The following INSR variants were observed in gnomAD, a reference collection of about 807,000 sequenced individuals.
INSR encodes insulin receptor, also known as IR.
INSR carries 67 observed loss-of-function variants against 142.6 expected under a neutral mutation model. The observed-to-expected ratio is 0.47, with a 90% CI of 0.39 to 0.58. INSR has a LOEUF of 0.58. INSR is among the 20% of genes least tolerant of loss of function. The pLI is 0.00. For missense variants in INSR, 1,248 were observed against 1,833.2 expected (o/e 0.68, Z 5.83); for synonymous variants, 756 against 743.1 (o/e 1.02, Z -0.28).
At chr19:7,233,507 G>C (rs977980032) in intron 2 of INSR, among the ~76,000 whole-genome samples, 2 of 151,886 alleles carry the variant, frequency 1.3e-5, no homozygotes, top group Admixed American at 6.6e-5. Context: ...CCCTGACCCC[G>C]AGTGCTGGGA....
At chr19:7,237,440 C>A (rs528830492) in intron 2 of INSR, among the ~76,000 whole-genome samples, 1 of 151,964 alleles carries the variant, frequency 6.6e-6, no homozygotes, top group South Asian at 2.1e-4. Context: ...TCGCTTGAAC[C>A]GGGGAGGTGG....
intron 14 of INSR, among the ~76,000 whole-genome samples, chr19:7,129,468 G>A (rs974717895): frequency 6.6e-6 from 1 of 152,028 alleles, no homozygotes; most frequent in African/African-American, 2.4e-5. Context: ...GGGACTACAG[G>A]CATGCACCAC....
intron 2 of INSR, among the ~76,000 whole-genome samples, chr19:7,233,497 C>T (rs1364558433): frequency 6.6e-6 from 1 of 151,982 alleles, no homozygotes; most frequent in Non-Finnish European, 1.5e-5. Flanking sequence ...TACAAGCAAG[C>T]CCTGACCCCG....
chr19:7,148,902 C>A (rs1973250663), intron 11 of INSR, among the ~76,000 whole-genome samples: 1 of 150,878 alleles, frequency 6.6e-6, no homozygotes, highest in Non-Finnish European at 1.5e-5. Flanking sequence ...TCACGCCATT[C>A]TCCTGCCTCA....
intron 21 of INSR, among the ~76,000 whole-genome samples, chr19:7,117,822 G>A (rs1972374603): frequency 6.6e-6 from 1 of 151,676 alleles, no homozygotes; most frequent in Non-Finnish European, 1.5e-5. Flanking sequence ...GCCCAGGCTG[G>A]CCTCAAACTC....
intron 2 of INSR, among the ~76,000 whole-genome samples, chr19:7,214,381 C>G (rs1975368059): frequency 6.6e-6 from 1 of 152,206 alleles, no homozygotes. Context: ...GACAAGACGG[C>G]TAGGCCGCCG....
At chr19:7,140,686 G>A (rs1973047456) in intron 13 of INSR, among the ~76,000 whole-genome samples, 1 of 151,900 alleles carries the variant, frequency 6.6e-6, no homozygotes. Flanking sequence ...AAATTGGAAT[G>A]CATCTTACAA....
intron 1 of INSR, among the ~76,000 whole-genome samples, chr19:7,276,387 C>A (rs940262928): frequency 6.6e-6 from 1 of 152,078 alleles, no homozygotes; most frequent in Non-Finnish European, 1.5e-5. Flanking sequence ...CTCAAGCAGT[C>A]CTGCGTCGGC....
At chr19:7,163,271 G>A in intron 8 of INSR, 72 bp from the exon 9 acceptor site, 1 of 1,453,798 alleles carries the variant, frequency 6.9e-7, no homozygotes, top group Non-Finnish European at 9.6e-7. Flanking sequence ...AGGATGGCGG[G>A]GGACACACAA....
intron 2 of INSR, among the ~76,000 whole-genome samples, chr19:7,253,129 G>A (rs1340703183): frequency 6.6e-6 from 1 of 150,976 alleles, no homozygotes; most frequent in East Asian, 2.0e-4. Context: ...AAAAATAGAA[G>A]AAGCCACAGG....
chr19:7,143,771 T>C (rs936191496), intron 11 of INSR, among the ~76,000 whole-genome samples: 1 of 152,134 alleles, frequency 6.6e-6, no homozygotes, highest in African/African-American at 2.4e-5. Context: ...GAAGAAAATG[T>C]AGGCTGGGCG....
intron 11 of INSR, among the ~76,000 whole-genome samples, chr19:7,148,287 C>T (rs1391320050): frequency 1.3e-5 from 2 of 151,978 alleles, no homozygotes; most frequent in Non-Finnish European, 2.9e-5. Flanking sequence ...GTCCTTCTGA[C>T]CCCATCACCC....
intron 2 of INSR, among the ~76,000 whole-genome samples, chr19:7,223,599 C>A (rs889331515): frequency 4.6e-5 from 7 of 152,298 alleles, no homozygotes; most frequent in Admixed American, 4.6e-4. Context: ...GATCAGGAAG[C>A]CAAATTTAGC....
At position 7,221,342 on chromosome 19, in the gene INSR, C is replaced by T. The variant is rs1359685252; in HGVS notation, c.653-36705G>A. ...TGAGCTGAGATTGTGCCACTGCACTCGAGCCTGGGCAATAGAGTGAGACTC... is the reference window on the plus strand; with the variant it reads ...TGAGCTGAGATTGTGCCACTGCACTTGAGCCTGGGCAATAGAGTGAGACTC... On this transcript the variant is annotated intron_variant, in intron 2 of 21. Transcript: ENST00000302850. Among the ~76,000 whole-genome samples the T allele has an allele frequency of 3.4e-5, 5 of 148,878 alleles. No individual in the cohort carries two copies. The East Asian group carries it at 6.0e-4, about 18-fold the overall frequency.
At position 7,119,897 on chromosome 19, in the gene INSR, T is replaced by C. The variant is rs574862932; in HGVS notation, c.3660-314A>G. Among the ~76,000 whole-genome samples the C allele has an allele frequency of 2.6e-5, 4 of 151,268 alleles. No individual in the cohort carries two copies. Among genetic ancestry groups the C allele is most frequent in the Admixed American group, 6.6e-5 (1 of 15,206 alleles). ...ACACAAACACACATATGCACACACATACACACACAAACACACACACAAACA... is the reference window on the plus strand; with the variant it reads ...ACACAAACACACATATGCACACACACACACACACAAACACACACACAAACA... On this transcript the variant is annotated intron_variant, in intron 20 of 21. Transcript: ENST00000302850. This position sits in a 1 kb window ranked among gnomAD's most constrained non-coding sequence, Gnocchi z 5.2.
intron 1 of INSR, among the ~76,000 whole-genome samples, chr19:7,292,478 G>GGC (rs1555693272): frequency 6.7e-6 from 1 of 149,092 alleles, no homozygotes; most frequent in East Asian, 2.1e-4. Context: ...GCTGGGGGGG[G>GGC]GTGGGCCCGG....
rs1967768423 is a variant in INSR at position 7,267,407 on chromosome 19, G to C, written c.590C>G (p.Pro197Arg). 8.1e-6 allele frequency: 13 copies of C among 1,614,168 alleles called. No homozygotes were observed. The highest frequency in any genetic ancestry group is 1.1e-5 in the Non-Finnish European group (13 of 1,180,032). Residue 197 changes from proline (P) to arginine (R), a missense_variant, in exon 2 of 22, where the codon CCC becomes CGC. Pro to Arg is a moderately radical substitution (Grantham distance 103). Around this residue, in one of 3 missense-constraint regions of INSR, gnomAD observed 1,069 missense variants for 1,654.0 expected, o/e 0.65. Coordinates refer to ENST00000302850, the MANE Select transcript of INSR (RefSeq NM_000208.4). The surrounding 1 kb of genome is among the most constrained non-coding windows in gnomAD (Gnocchi z 6.3). ...AAACTGCCCGTTGATGACGGTGGCG[G>C]GGCAGTTGGTCTTGCCCTTCGCGGT... ...PGTAKGKTNC[P>R]ATVINGQFVE...
At chr19:7,245,320 G>A (rs1220685630) in intron 2 of INSR, among the ~76,000 whole-genome samples, 1 of 152,036 alleles carries the variant, frequency 6.6e-6, no homozygotes, top group Admixed American at 6.6e-5. Flanking sequence ...GGTGTAATAG[G>A]GAAAAAACTA....
At chr19:7,184,704 AAATG>A (rs1464878311) in intron 2 of INSR, 67 bp from the exon 3 acceptor site, 2 of 1,165,784 alleles carry the variant, frequency 1.7e-6, no homozygotes, top group Non-Finnish European at 1.1e-6. Context: ...ATAAATAAAT[AAATG>A]GCTTTGTCCA....
Sources: gnomAD v4.1 joint callset for allele counts (sites outside exome capture counted in the v4.1 genomes callset) on GRCh38, gnomAD v4.1.1 for gene constraint, gnomAD v4.1.1 regional missense constraint, Gnocchi (gnomAD v3.1) non-coding constraint, MANE v1.5 for transcripts, NCBI Gene and HGNC (gene_info 2026-07-23, HGNC 2026-07-21) for gene names.